The following ANO6 variants were observed in gnomAD, a reference collection of about 807,000 sequenced individuals.
ANO6 encodes anoctamin 6.
A neutral mutation model predicts 117.5 loss-of-function variants in ANO6; 106 were observed. That is an observed-to-expected ratio of 0.90 (90% CI 0.77 to 1.06). The LOEUF (loss-of-function observed/expected upper bound fraction) is 1.06. ANO6 is among the 50% of genes least tolerant of loss of function. The pLI, the probability that ANO6 is intolerant of heterozygous loss-of-function variation, is 0.00. For missense variants in ANO6, 955 were observed against 1,121.1 expected (o/e 0.85, Z 2.12); for synonymous variants, 367 against 385.1 (o/e 0.95, Z 0.55).
intron 12 of ANO6, among the ~76,000 whole-genome samples, chr12:45,393,017 G>A (rs1020917677): frequency 1.3e-5 from 2 of 152,218 alleles, no homozygotes; most frequent in Non-Finnish European, 2.9e-5. Context: ...ACAGAAGTAG[G>A]CTTCAGAAGG....
At chr12:45,217,563 A>G (rs1428430879) in intron 1 of ANO6, among the ~76,000 whole-genome samples, 2 of 152,182 alleles carry the variant, frequency 1.3e-5, no homozygotes, top group African/African-American at 4.8e-5. Flanking sequence ...ATTTAAGAAC[A>G]ATTTACTAGT....
chr12:45,278,633 C>T (rs1938624190), intron 1 of ANO6, among the ~76,000 whole-genome samples: 1 of 152,124 alleles, frequency 6.6e-6, no homozygotes. Flanking sequence ...ATGCACTTTT[C>T]TCAATCTCTG....
rs746336726 is a variant in ANO6 at position 45,270,450 on chromosome 12, C to T, written c.71-31564C>T. On this transcript the variant is annotated intron_variant, in intron 1 of 19. Coordinates refer to ENST00000320560, the MANE Select transcript of ANO6 (RefSeq NM_001025356.3). ...GGCCTGTTGTATTTATTGATGCCTCCTCATCCTTCAGGTGATGTTCCTGCC... is the reference window on the plus strand; with the variant it reads ...GGCCTGTTGTATTTATTGATGCCTCTTCATCCTTCAGGTGATGTTCCTGCC... 2.6e-6 allele frequency: 4 copies of T among 1,523,632 alleles called. No individual in the cohort carries two copies. The South Asian group carries it at 3.7e-5, about 14-fold the overall frequency. 94.4% of individuals were successfully genotyped at this position (1,523,632 alleles called of 1,614,324 possible).
chr12:45,328,311 A>G (rs541524173), intron 2 of ANO6, among the ~76,000 whole-genome samples: 1 of 152,102 alleles, frequency 6.6e-6, no homozygotes, highest in East Asian at 1.9e-4. Context: ...AGCTTCCACA[A>G]TACTTGTCTT....
At chr12:45,385,905 T>C (rs1360255853) in intron 10 of ANO6, among the ~76,000 whole-genome samples, 2 of 152,218 alleles carry the variant, frequency 1.3e-5, no homozygotes, top group East Asian at 1.9e-4. Context: ...GTCTTTGCCA[T>C]TGGGGAGTGT....
In ANO6 at chr12:45,431,599, A is replaced by G. The variant is rs2137743291; in HGVS notation, c.*2288A>G. On this transcript the variant is annotated 3_prime_UTR_variant, in exon 20 of 20. Transcript: ENST00000320560. Reference sequence around the variant, plus strand: ...ATATCTGACACTGTTAAGATGCCCAAAAGAGCAAAGTTGTAGTGGAGATGC... The same window carrying G: ...ATATCTGACACTGTTAAGATGCCCAGAAGAGCAAAGTTGTAGTGGAGATGC... 3 of 985,482 alleles carry G rather than the reference A, an allele frequency of 3.0e-6. No homozygotes were observed. The highest frequency in any genetic ancestry group is 2.4e-6 in the Non-Finnish European group (2 of 829,948). 61.0% of individuals were successfully genotyped at this position (985,482 alleles called of 1,614,324 possible). A position where few individuals can be genotyped will look rare whatever the true frequency, so the allele number is the denominator to read the frequency against.
intron 13 of ANO6, 117 bp downstream of exon 13, chr12:45,402,137 C>A: frequency 1.2e-6 from 1 of 821,508 alleles, no homozygotes; most frequent in Non-Finnish European, 1.9e-6. Flanking sequence ...TAGAAATTTT[C>A]AAGTGTAAAC....
intron 2 of ANO6, among the ~76,000 whole-genome samples, chr12:45,318,426 A>G (rs1940129418): frequency 6.6e-6 from 1 of 152,148 alleles, no homozygotes; most frequent in South Asian, 2.1e-4. Context: ...CAAAGATCAA[A>G]TAGTTGTAGA....
intron 8 of ANO6, among the ~76,000 whole-genome samples, chr12:45,367,411 TTGACATACAA>T (rs1198101915): frequency 2.0e-5 from 3 of 152,226 alleles, no homozygotes. Context: ...CTTATTTTAC[TTGACATACAA>T]TGCTGGCAGA....
chr12:45,223,194 C>G (rs1365784648), intron 1 of ANO6, among the ~76,000 whole-genome samples: 1 of 152,198 alleles, frequency 6.6e-6, no homozygotes. Flanking sequence ...GTCGTGGGAA[C>G]CCCAATTTAT....
intron 8 of ANO6, among the ~76,000 whole-genome samples, chr12:45,367,388 C>T (rs1217615403): frequency 6.6e-6 from 1 of 152,168 alleles, no homozygotes; most frequent in South Asian, 2.1e-4. Context: ...TCTTCCTGGC[C>T]TATCCTTGTG....
chr12:45,323,143 G>A (rs552981751), intron 2 of ANO6, among the ~76,000 whole-genome samples: 15 of 152,304 alleles, frequency 9.8e-5, no homozygotes, highest in Middle Eastern at 3.4e-3. Flanking sequence ...GCTAGGAGAA[G>A]GGGAGAATAC....
At position 45,421,183 on chromosome 12, in the gene ANO6, A is replaced by G. The variant is rs1053895546; in HGVS notation, c.2330A>G (p.Asn777Ser). ...HTSYTMEGYI[N>S]NTLSIFKVAD... is the part of the protein sequence containing the mutation. ...TCCTACACCATGGAAGGGTACATCAACAACACTCTCTCCATCTTCAAAGTC... is the reference window on the plus strand; with the variant it reads ...TCCTACACCATGGAAGGGTACATCAGCAACACTCTCTCCATCTTCAAAGTC... Residue 777 changes from asparagine (N) to serine (S), a missense_variant, in exon 18 of 20, where the codon AAC (asparagine) becomes AGC (serine). Coordinates refer to ENST00000320560, the MANE Select transcript of ANO6 (RefSeq NM_001025356.3). The G allele has an allele frequency of 6.2e-6, 10 of 1,614,188 alleles. No individual in the cohort carries two copies. The highest frequency in any genetic ancestry group is 1.7e-5 in the Admixed American group (1 of 60,012).
intron 3 of ANO6, among the ~76,000 whole-genome samples, chr12:45,334,766 T>C (rs1038558457): frequency 2.6e-5 from 4 of 152,052 alleles, no homozygotes; most frequent in African/African-American, 4.8e-5. Flanking sequence ...GATGATTAAA[T>C]ATATCTAAAT....
Position 45,431,124 on chromosome 12 carries a change from T to A in ANO6, c.*1813T>A. On this transcript the variant is annotated 3_prime_UTR_variant, in exon 20 of 20. Transcript: ENST00000320560. The stretch of plus-strand genomic sequence containing the variant: ...TGTCCCAGTGGATCCGGGACCCCAT[T>A]TCACTGTCTCTCTTGATCGTGTTAA... 8 of 985,306 alleles carry A rather than the reference T, an allele frequency of 8.1e-6. No individual in the cohort carries two copies. The South Asian group carries it at 2.8e-4, about 35-fold the overall frequency. 61.0% of individuals were successfully genotyped at this position (985,306 alleles called of 1,614,324 possible). A position where few individuals can be genotyped will look rare whatever the true frequency, so the allele number is the denominator to read the frequency against.
chr12:45,408,190 C>T (rs1422608897), intron 15 of ANO6, among the ~76,000 whole-genome samples: 1 of 152,206 alleles, frequency 6.6e-6, no homozygotes, highest in Non-Finnish European at 1.5e-5. Context: ...CTGTCCTTAA[C>T]CATCATGCGA....
chr12:45,345,396 A>G (rs1170402366), intron 3 of ANO6, among the ~76,000 whole-genome samples: 1 of 151,944 alleles, frequency 6.6e-6, no homozygotes, highest in Non-Finnish European at 1.5e-5. Context: ...ACTCATCCCC[A>G]CTCTGTCCCT....
chr12:45,313,555 T>G lies in ANO6; in HGVS notation c.150+11462T>G, dbSNP rs1592950840. The stretch of plus-strand genomic sequence containing the variant: ...TGAAATGGCCACAGCCCTACATTAC[T>G]CAGCCCTGCCATACCCCGTATCATT... On this transcript the variant is annotated intron_variant, in intron 2 of 19. Transcript: ENST00000320560. 8 of 152,054 alleles carry G rather than the reference T, an allele frequency of 5.3e-5. No individual in the cohort carries two copies. The South Asian group carries it at 1.7e-3, about 31-fold the overall frequency. The allele number at this position is 152,054 out of a possible 1,614,324, so 9.4% of individuals were successfully genotyped here.
At chr12:45,279,334 T>C (rs1938649827) in intron 1 of ANO6, among the ~76,000 whole-genome samples, 1 of 152,220 alleles carries the variant, frequency 6.6e-6, no homozygotes, top group South Asian at 2.1e-4. Flanking sequence ...CTTTCTCCAA[T>C]TGGCTAAGTA....
Sources: allele counts gnomAD v4.1 joint callset (sites outside exome capture counted in the v4.1 genomes callset), GRCh38; gene constraint gnomAD v4.1.1; transcripts MANE v1.5; gene names NCBI Gene and HGNC (gene_info 2026-07-23, HGNC 2026-07-21).